BRD8: variants seen among roughly 807,000 people sequenced by gnomAD.
BRD8 encodes the protein bromodomain-containing protein 8.
Under a neutral mutation model 143.1 loss-of-function variants are expected in BRD8, and 67 were observed. That is an observed-to-expected ratio of 0.47 (90% confidence interval 0.38 to 0.57). BRD8 has a LOEUF of 0.57. Ranked by LOEUF, BRD8 falls within the 20% of genes least tolerant of loss-of-function variation. The pLI is 0.00. For synonymous variants in BRD8, 505 were observed against 517.1 expected (o/e 0.98, Z 0.32); for missense variants, 1,103 against 1,503.0 (o/e 0.73, Z 4.40).
At chr5:138,161,159 A>G in intron 17 of BRD8, 91 bp from the exon 18 acceptor site, 3 of 1,029,162 alleles carry the variant, frequency 2.9e-6, no homozygotes, top group African/African-American at 1.6e-5. Flanking sequence ...ACTTTCTCAT[A>G]TATACCTTAA....
chr5:138,172,737 A>G (rs1753982460), intron 2 of BRD8: 1 of 423,850 alleles, frequency 2.4e-6, no homozygotes, highest in Non-Finnish European at 4.6e-6. Context: ...CTGTGGTCCC[A>G]GCTACTTGGG....
chr5:138,153,914 G>C (rs1752471497), intron 20 of BRD8, among the ~76,000 whole-genome samples: 1 of 151,524 alleles, frequency 6.6e-6, no homozygotes, highest in South Asian at 2.1e-4. Context: ...GACCTCAGGG[G>C]ATCCACCCAC....
intron 9 of BRD8, 104 bp downstream of exon 9, chr5:138,167,830 G>A (rs1024949065): frequency 1.9e-6 from 2 of 1,036,442 alleles, no homozygotes; most frequent in African/African-American, 1.6e-5. Flanking sequence ...AAAAAGTTGG[G>A]CTTTAAATCT....
At chr5:138,178,567 T>C in intron 1 of BRD8, 29 bp downstream of exon 1, 1 of 1,610,224 alleles carries the variant, frequency 6.2e-7, no homozygotes, top group Non-Finnish European at 8.5e-7. Context: ...TACAAAGGCC[T>C]TTCACGCAAA....
At chr5:138,150,383 C>T (rs1248655428) in intron 22 of BRD8, among the ~76,000 whole-genome samples, 1 of 152,180 alleles carries the variant, frequency 6.6e-6, no homozygotes, top group African/African-American at 2.4e-5. Flanking sequence ...ACTGGGATTA[C>T]AGGCATGAGC....
At chr5:138,165,678 A>G in intron 11 of BRD8, 150 bp downstream of exon 11, 2 of 869,596 alleles carry the variant, frequency 2.3e-6, no homozygotes, top group Non-Finnish European at 3.4e-6. Flanking sequence ...GTAAGCCAAG[A>G]TCGTGCCACT....
intron 25 of BRD8, among the ~76,000 whole-genome samples, chr5:138,144,226 CG>C (rs1456370045): frequency 6.6e-6 from 1 of 152,070 alleles, no homozygotes; most frequent in Non-Finnish European, 1.5e-5. Flanking sequence ...ACTCCAGAGG[CG>C]CCACCTTTAA....
chr5:138,140,177 A>C lies in BRD8; in HGVS notation c.3616-11T>G. The C allele has an allele frequency of 6.3e-7, 1 of 1,584,916 alleles. No homozygotes were observed. Among genetic ancestry groups the C allele is most frequent in the South Asian group, 1.1e-5 (1 of 90,368 alleles). ...CCAGATATTCAGTACCTAAAGGGTT[A>C]AGGAACACATAGCAAGCTATTATGA... On this transcript the variant is annotated splice_polypyrimidine_tract_variant and intron_variant, in intron 26 of 26. Coordinates refer to ENST00000254900, the MANE Select transcript of BRD8 (RefSeq NM_139199.2).
chr5:138,162,264 A>T (rs1317325372), intron 15 of BRD8, 118 bp from the exon 16 acceptor site: 4 of 739,034 alleles, frequency 5.4e-6, no homozygotes, highest in South Asian at 3.7e-5. Context: ...CAGTGGCATG[A>T]TCATGTTCAT....
At chr5:138,141,178 G>A (rs1447257615) in intron 25 of BRD8, among the ~76,000 whole-genome samples, 6 of 150,858 alleles carry the variant, frequency 4.0e-5, no homozygotes, top group Admixed American at 1.3e-4. Flanking sequence ...TGCCCAGGCC[G>A]GAGTGCAATG....
intron 23 of BRD8, among the ~76,000 whole-genome samples, chr5:138,146,969 CAA>C (rs60597015): frequency 7.1e-3 from 347 of 49,028 alleles, no homozygotes; most frequent in African/African-American, 9.3e-3. Context: ...AACTCCGTCT[CAA>C]AAAAAAAAAA....
chr5:138,177,749 G>T, intron 1 of BRD8, 82 bp from the exon 2 acceptor site: 1 of 814,138 alleles, frequency 1.2e-6, no homozygotes, highest in Non-Finnish European at 2.0e-6. Context: ...CCAAAAAGAG[G>T]ACTAAAAGCC....
At chr5:138,175,271 A>G (rs1202578743) in intron 2 of BRD8, among the ~76,000 whole-genome samples, 2 of 152,196 alleles carry the variant, frequency 1.3e-5, no homozygotes, top group African/African-American at 4.8e-5. Flanking sequence ...ATTACTTCAA[A>G]AATTAGATTT....
At chr5:138,163,741 A>G (rs1753188122) in intron 14 of BRD8, 6 of 851,248 alleles carry the variant, frequency 7.0e-6, no homozygotes, top group Non-Finnish European at 8.4e-6. Flanking sequence ...TGCTGCTTTA[A>G]TAATTCTAAA....
At position 138,169,288 on chromosome 5, in the gene BRD8, G is replaced by A. The variant is rs1241026850; in HGVS notation, c.576C>T (p.Ala192=). 1 of 1,614,004 alleles carries A rather than the reference G, an allele frequency of 6.2e-7. No individual in the cohort carries two copies. The highest frequency in any genetic ancestry group is 8.5e-7 in the Non-Finnish European group (1 of 1,179,978). ...TVMVRSPIDS[A]SPGGDYPLGD... is the part of the protein sequence containing the mutation. ...CAAGTGGATAATCACCTCCTGGGGA[G>A]GCAGAATCTATAGGAGAGCGAACCA... is the stretch of plus-strand genomic sequence containing the variant. Residue 192 remains alanine, a synonymous_variant, in exon 8 of 27, where the codon GCC becomes GCT. Transcript: ENST00000254900.
intron 19 of BRD8, 44 bp downstream of exon 19, chr5:138,160,025 A>T: frequency 6.8e-7 from 1 of 1,476,052 alleles, no homozygotes; most frequent in Non-Finnish European, 9.5e-7. Flanking sequence ...TCAGACTTCT[A>T]CTACTGGAAC....
intron 15 of BRD8, 88 bp from the exon 16 acceptor site, chr5:138,162,234 C>T: frequency 9.5e-7 from 1 of 1,055,416 alleles, no homozygotes; most frequent in Non-Finnish European, 1.4e-6. Flanking sequence ...GGGTCTCACT[C>T]TGTCCCCCAG....
At position 138,156,977 on chromosome 5, in the gene BRD8, A is replaced by C. The variant is rs561647560; in HGVS notation, c.2577+2578T>G. On this transcript the variant is annotated intron_variant, in intron 20 of 26. Coordinates refer to ENST00000254900, the MANE Select transcript of BRD8 (RefSeq NM_139199.2). ...TACAATTGACAAGACAATACAAACT[A>C]GCTACGATCTGCTAGCTACACATTA... 1.4e-4 allele frequency: 192 copies of C among 1,354,850 alleles called. 3 individuals carry two copies. The South Asian group carries it at 3.5e-3, about 25-fold the overall frequency. 83.9% of individuals were successfully genotyped at this position (1,354,850 alleles called of 1,614,324 possible). A position where few individuals can be genotyped will look rare whatever the true frequency, so the allele number is the denominator to read the frequency against.
intron 11 of BRD8, 92 bp from the exon 12 acceptor site, chr5:138,165,258 C>G: frequency 3.0e-6 from 4 of 1,345,484 alleles, no homozygotes; most frequent in Non-Finnish European, 4.0e-6. Context: ...CTTGAATCTG[C>G]AGCTTTTCGC....
Sources: gnomAD v4.1 joint callset for allele counts (sites outside exome capture counted in the v4.1 genomes callset) on GRCh38, gnomAD v4.1.1 for gene constraint, MANE v1.5 for transcripts, NCBI Gene and HGNC (gene_info 2026-07-23, HGNC 2026-07-21) for gene names.